Variants in BBS9 observed in about 807,000 individuals in gnomAD.
BBS9 encodes protein PTHB1.
BBS9 carries 89 observed loss-of-function variants against 117.7 expected under a neutral mutation model. The observed-to-expected ratio is 0.76, with a 90% CI of 0.64 to 0.90. BBS9 has a LOEUF of 0.90. BBS9 is among the 40% of genes least tolerant of loss of function. The pLI is 0.00. For synonymous variants in BBS9, 379 were observed against 370.9 expected (o/e 1.02, Z -0.25); for missense variants, 982 against 1,042.2 (o/e 0.94, Z 0.80).
intron 9 of BBS9, among the ~76,000 whole-genome samples, chr7:33,292,097 A>C (rs1804167570): frequency 6.6e-6 from 1 of 152,248 alleles, no homozygotes; most frequent in Non-Finnish European, 1.5e-5. Flanking sequence ...TGCATGATGA[A>C]GAGATTAATG....
At chr7:33,553,740 T>C (rs1854828472) in intron 21 of BBS9, among the ~76,000 whole-genome samples, 1 of 152,152 alleles carries the variant, frequency 6.6e-6, no homozygotes, top group African/African-American at 2.4e-5. Context: ...TACTCATGAA[T>C]AGGACAATTT....
chr7:33,441,909 C>T (rs76427420), intron 19 of BBS9, among the ~76,000 whole-genome samples: 5 of 145,900 alleles, frequency 3.4e-5, no homozygotes, highest in Middle Eastern at 3.5e-3. Flanking sequence ...TTTTTTTTCC[C>T]GAGACAGAGT....
At chr7:33,419,613 A>T (rs1288121762) in intron 19 of BBS9, among the ~76,000 whole-genome samples, 3 of 152,184 alleles carry the variant, frequency 2.0e-5, no homozygotes, top group African/African-American at 7.2e-5. Context: ...TATATTAGAT[A>T]ACTTTTTTTG....
At chr7:33,351,870 G>A (rs1818724684) in intron 14 of BBS9, 1 of 166,058 alleles carries the variant, frequency 6.0e-6, no homozygotes, top group Non-Finnish European at 1.3e-5. Context: ...TCGCGGGCAT[G>A]TCCAGGCAAG....
At position 33,631,806 on chromosome 7, in the gene BBS9, C is replaced by T. The variant is rs553920013; in HGVS notation, c.2522-3371C>T. On this transcript the variant is annotated intron_variant, in intron 21 of 21. Coordinates refer to the BBS9 transcript ENST00000671952. ...TCAACCTTGACGTGCTCCACACTGT[C>T]GGGGCCAGGCCTGTTCCCATCCTTG... Among the ~76,000 whole-genome samples the T allele has an allele frequency of 1.8e-4, 27 of 152,302 alleles. No individual in the cohort carries two copies. In the South Asian group the frequency reaches 5.2e-3, roughly 29 times the overall value.
chr7:33,453,411 C>T (rs1334419172), intron 19 of BBS9, among the ~76,000 whole-genome samples: 3 of 152,164 alleles, frequency 2.0e-5, no homozygotes, highest in Non-Finnish European at 4.4e-5. Flanking sequence ...GACAGTAAAA[C>T]CAGCTCCTCT....
chr7:33,451,020 C>T (rs967960756), intron 19 of BBS9, among the ~76,000 whole-genome samples: 4 of 151,998 alleles, frequency 2.6e-5, no homozygotes, highest in Non-Finnish European at 5.9e-5. Context: ...TCCCGAGTAG[C>T]TGGGACTACA....
At chr7:33,344,487 A>G (rs759326919) in intron 11 of BBS9, 94 bp from the exon 12 acceptor site, 62 of 1,114,808 alleles carry the variant, frequency 5.6e-5, no homozygotes, top group Admixed American at 8.4e-5. Context: ...TCCTATTTTG[A>G]TAGTAGGAAA....
chr7:33,265,481 T>G (rs146055357), intron 7 of BBS9, among the ~76,000 whole-genome samples: 66 of 152,226 alleles, frequency 4.3e-4, no homozygotes, highest in African/African-American at 1.5e-3. Context: ...TTTGAGCAAG[T>G]TACAGCAAGT....
chr7:33,393,102 G>T (rs1174820992), intron 19 of BBS9, among the ~76,000 whole-genome samples: 1 of 152,070 alleles, frequency 6.6e-6, no homozygotes, highest in Non-Finnish European at 1.5e-5. Flanking sequence ...GGAGGTTGAG[G>T]CTGCAATGAG....
chr7:33,295,419 A>T (rs10276798), intron 9 of BBS9, among the ~76,000 whole-genome samples: 75,279 of 134,760 alleles, frequency 0.56, 19,043 homozygotes, highest in Admixed American at 0.63. Context: ...AAAATTAAGA[A>T]ATAATTTTTT....
At chr7:33,311,991 C>T (rs1809354886) in intron 9 of BBS9, among the ~76,000 whole-genome samples, 1 of 152,128 alleles carries the variant, frequency 6.6e-6, no homozygotes, top group Non-Finnish European at 1.5e-5. Context: ...AATAGTTCAT[C>T]CAAGAAACAT....
At chr7:33,491,878 A>ATTT (rs1367784503) in intron 19 of BBS9, among the ~76,000 whole-genome samples, 1 of 152,136 alleles carries the variant, frequency 6.6e-6, no homozygotes, top group East Asian at 1.9e-4. Context: ...GGTATATGAC[A>ATTT]TTTTTTGAAT....
chr7:33,222,547 A>T (rs1790442153), intron 5 of BBS9, among the ~76,000 whole-genome samples: 1 of 152,172 alleles, frequency 6.6e-6, no homozygotes, highest in Admixed American at 6.5e-5. Context: ...TATGCCTCAT[A>T]TCTTGTTCCA....
chr7:33,409,668 ATTG>A (rs1230669566), intron 19 of BBS9, among the ~76,000 whole-genome samples: 1 of 152,044 alleles, frequency 6.6e-6, no homozygotes, highest in African/African-American at 2.4e-5. Flanking sequence ...TACATCACTT[ATTG>A]TTGTCTGTTT....
At chr7:33,347,463 T>C (rs899196508) in intron 12 of BBS9, among the ~76,000 whole-genome samples, 1 of 152,102 alleles carries the variant, frequency 6.6e-6, no homozygotes, top group East Asian at 1.9e-4. Context: ...CCAGACATCA[T>C]TGAGGAAGTT....
At chr7:33,352,582 G>GT (rs1024906446) in intron 14 of BBS9, among the ~76,000 whole-genome samples, 6 of 151,726 alleles carry the variant, frequency 4.0e-5, no homozygotes, top group Non-Finnish European at 8.8e-5. Flanking sequence ...ATCTTTACTT[G>GT]TTTTTTTCCC....
chr7:33,234,277 G>T (rs1391887340), intron 5 of BBS9, among the ~76,000 whole-genome samples: 1 of 152,006 alleles, frequency 6.6e-6, no homozygotes, highest in Admixed American at 6.6e-5. Context: ...TCCACTGGGG[G>T]TCTTGGAATG....
At chr7:33,330,969 A>C (rs1444424843) in intron 9 of BBS9, among the ~76,000 whole-genome samples, 1 of 152,186 alleles carries the variant, frequency 6.6e-6, no homozygotes, top group African/African-American at 2.4e-5. Context: ...CTTACTTATT[A>C]ACCCACATGA....
Sources: gnomAD v4.1 joint callset for allele counts (sites outside exome capture counted in the v4.1 genomes callset) on GRCh38, gnomAD v4.1.1 for gene constraint, MANE v1.5 for transcripts, NCBI Gene and HGNC (gene_info 2026-07-23, HGNC 2026-07-21) for gene names.